Variants in GBE1 observed in about 807,000 individuals in gnomAD.
GBE1 encodes the protein 1,4-alpha-glucan branching enzyme 1.
In GBE1, 70 loss-of-function variants were observed where a neutral mutation model predicts 88.8. That is an observed-to-expected ratio of 0.79 (90% CI 0.65 to 0.96). The LOEUF is 0.96. GBE1 is among the 40% of genes least tolerant of loss of function. The pLI is 0.00. For missense variants in GBE1, 872 were observed against 871.0 expected, an observed-to-expected ratio of 1.00 and a Z score of -0.01; for synonymous variants, 284 against 300.1, an observed-to-expected ratio of 0.95 and a Z score of 0.56.
intron 7 of GBE1, among the ~76,000 whole-genome samples, chr3:81,622,371 G>A (rs190753825): frequency 7.2e-5 from 11 of 152,276 alleles, no homozygotes; most frequent in Admixed American, 3.3e-4. Context: ...CATTTCACCT[G>A]CATATCCTTC....
chr3:81,574,968 T>C (rs1190711834), intron 12 of GBE1, among the ~76,000 whole-genome samples: 1 of 152,026 alleles, frequency 6.6e-6, no homozygotes, highest in Non-Finnish European at 1.5e-5. Context: ...ATCGAGATCA[T>C]CCTGTCTAAC....
intron 7 of GBE1, among the ~76,000 whole-genome samples, chr3:81,606,536 C>G (rs1259233101): frequency 6.6e-6 from 1 of 152,244 alleles, no homozygotes; most frequent in Non-Finnish European, 1.5e-5. Flanking sequence ...CCAGTATAAT[C>G]TGATCCAGTC....
chr3:81,670,093 T>C (rs1705168911), intron 3 of GBE1, among the ~76,000 whole-genome samples: 1 of 152,084 alleles, frequency 6.6e-6, no homozygotes, highest in South Asian at 2.1e-4. Context: ...TGGAGTAAAA[T>C]CAAGTAAGTG....
chr3:81,517,781 C>T (rs1359583944), intron 14 of GBE1, among the ~76,000 whole-genome samples: 2 of 151,206 alleles, frequency 1.3e-5, no homozygotes, highest in Admixed American at 1.3e-4. Context: ...CATTTTAGTA[C>T]TATTTGTCTT....
intron 15 of GBE1, among the ~76,000 whole-genome samples, chr3:81,495,497 TG>T (rs1702489891): frequency 6.6e-6 from 1 of 152,158 alleles, no homozygotes; most frequent in African/African-American, 2.4e-5. Context: ...AATATAAAGA[TG>T]ATATAAATTA....
chr3:81,499,852 T>C (rs983577808), intron 14 of GBE1, among the ~76,000 whole-genome samples: 3 of 152,156 alleles, frequency 2.0e-5, no homozygotes, highest in African/African-American at 4.8e-5. Flanking sequence ...AAAGCTATCA[T>C]TATGTTCAAA....
intron 2 of GBE1, among the ~76,000 whole-genome samples, chr3:81,695,961 A>G (rs559681902): frequency 1.9e-4 from 29 of 152,340 alleles, no homozygotes; most frequent in African/African-American, 6.7e-4. Context: ...AGTCATAATT[A>G]AAATGAATAC....
chr3:81,702,123 GTGTGTGTGTGTGT>G (rs1705702560), intron 2 of GBE1, among the ~76,000 whole-genome samples: 1 of 144,764 alleles, frequency 6.9e-6, no homozygotes, highest in Non-Finnish European at 1.5e-5. Context: ...GTGTGTGTGT[GTGTGTGTGTGTGT>G]GTGTGTGTGT....
At chr3:81,723,425 A>C (rs1706064773) in intron 1 of GBE1, among the ~76,000 whole-genome samples, 1 of 152,102 alleles carries the variant, frequency 6.6e-6, no homozygotes, top group Non-Finnish European at 1.5e-5. Context: ...TTTAAAAAGA[A>C]GTCTGCAATA....
chr3:81,736,552 G>T (rs555285850), intron 1 of GBE1, among the ~76,000 whole-genome samples: 1 of 152,270 alleles, frequency 6.6e-6, no homozygotes, highest in East Asian at 1.9e-4. Context: ...ATACAAATTA[G>T]CCTGCTACCT....
At position 81,649,000 on chromosome 3, in the gene GBE1, T is replaced by G; in HGVS notation, c.556-9A>C. The stretch of plus-strand genomic sequence containing the variant: ...GGTCTGGAATGCTTAAACTACAGAA[T>G]ATAAAATTATGTATAGAGTTAAGCC... On this transcript the variant is annotated splice_polypyrimidine_tract_variant and intron_variant, in intron 4 of 15. Coordinates refer to ENST00000429644, the MANE Select transcript of GBE1 (RefSeq NM_000158.4). 1 of 1,545,866 alleles carries G rather than the reference T, an allele frequency of 6.5e-7. No individual in the cohort carries two copies.
intron 15 of GBE1, among the ~76,000 whole-genome samples, chr3:81,496,876 C>G (rs1233314511): frequency 1.3e-5 from 2 of 152,108 alleles, no homozygotes; most frequent in Admixed American, 1.3e-4. Flanking sequence ...CGAGTAATTC[C>G]TGAAGCACTG....
intron 2 of GBE1, among the ~76,000 whole-genome samples, chr3:81,678,692 T>C (rs1705295655): frequency 6.6e-6 from 1 of 152,154 alleles, no homozygotes. Flanking sequence ...CACAGATTAG[T>C]AGTCTTCCAG....
chr3:81,648,115 C>T (rs866388164), intron 5 of GBE1, among the ~76,000 whole-genome samples: 26 of 152,164 alleles, frequency 1.7e-4, no homozygotes, highest in Middle Eastern at 6.8e-3. Flanking sequence ...TAACTGAAAA[C>T]TTTAACCATG....
intron 14 of GBE1, among the ~76,000 whole-genome samples, chr3:81,526,621 T>C (rs899509710): frequency 6.6e-6 from 1 of 152,240 alleles, no homozygotes; most frequent in Non-Finnish European, 1.5e-5. Flanking sequence ...CCATTCACAA[T>C]TGCTTCAAAG....
rs190170511 is a variant in GBE1 at position 81,708,717 on chromosome 3, C to G, written c.144-3104G>C. Among the ~76,000 whole-genome samples, 223 of 152,162 alleles carry G rather than the reference C, an allele frequency of 1.5e-3. 3 individuals are homozygous for G. Among genetic ancestry groups the G allele is most frequent in the Non-Finnish European group, 2.7e-3 (184 of 68,004 alleles). ...ATCTATGTATATAATAATATTTATT[C>G]TTTATGGCACTATTTATACTACAAA... On this transcript the variant is annotated intron_variant, in intron 1 of 15. Transcript: ENST00000429644.
chr3:81,657,413 T>C (rs2107089582), intron 3 of GBE1, among the ~76,000 whole-genome samples: 1 of 152,266 alleles, frequency 6.6e-6, no homozygotes, highest in East Asian at 1.9e-4. Context: ...AAAAATTGCA[T>C]TCTGAATTTC....
chr3:81,527,177 G>C (rs1041231154), intron 14 of GBE1, among the ~76,000 whole-genome samples: 20 of 152,098 alleles, frequency 1.3e-4, no homozygotes, highest in African/African-American at 3.6e-4. Flanking sequence ...ATGCAGAAAG[G>C]TGAAACTAGA....
intron 2 of GBE1, among the ~76,000 whole-genome samples, chr3:81,689,776 G>A (rs1052583265): frequency 6.6e-6 from 1 of 152,090 alleles, no homozygotes; most frequent in South Asian, 2.1e-4. Context: ...TCTGGGCCCC[G>A]GGAGAGGTAT....
Sources: gnomAD v4.1 joint callset for allele counts (sites outside exome capture counted in the v4.1 genomes callset) on GRCh38, gnomAD v4.1.1 for gene constraint, MANE v1.5 for transcripts, NCBI Gene and HGNC (gene_info 2026-07-23, HGNC 2026-07-21) for gene names.